Variants in BRAF observed in about 807,000 individuals in gnomAD.
BRAF encodes the protein B-Raf proto-oncogene, serine/threonine kinase.
BRAF carries 16 observed loss-of-function variants against 104.6 expected under a neutral mutation model. The observed-to-expected ratio is 0.15, with a 90% CI of 0.10 to 0.23. The LOEUF (loss-of-function observed/expected upper bound fraction) is 0.23, where lower values mean the gene tolerates loss of function less well. Among genes scored for constraint, BRAF ranks in the 10% least tolerant of loss-of-function variants. The pLI is 1.00. For missense variants in BRAF, 541 were observed against 937.3 expected, an observed-to-expected ratio of 0.58 and a Z score of 5.52; for synonymous variants, 310 against 341.6, an observed-to-expected ratio of 0.91 and a Z score of 1.02.
chr7:140,825,418 T>A (rs1805934555), intron 3 of BRAF, among the ~76,000 whole-genome samples: 1 of 152,224 alleles, frequency 6.6e-6, no homozygotes, highest in African/African-American at 2.4e-5. Flanking sequence ...TACATTTTGA[T>A]TAACCCAATA....
At position 140,749,377 on chromosome 7, in the gene BRAF, G is replaced by A. The variant is rs1205982094; in HGVS notation, c.2022C>T (p.Ser674=). 6.2e-7 allele frequency: 1 copy of A among 1,613,022 alleles called. No individual in the cohort carries two copies. The highest frequency in any genetic ancestry group is 1.3e-5 in the African/African-American group (1 of 74,858). Residue 674 remains serine (S), a synonymous_variant, in exon 17 of 20, where the codon AGC becomes AGT. Coordinates refer to ENST00000644969, the MANE Select transcript of BRAF (RefSeq NM_001374258.1). ...CAAATGCATATACATCTGACTGAAA[G>A]CTGTATGGATTTTTATCTTGCATTC... is the stretch of plus-strand genomic sequence containing the variant. The part of the protein sequence containing the change: ...VIRMQDKNPY[S]FQSDVYAFGI...
intron 8 of BRAF, among the ~76,000 whole-genome samples, chr7:140,788,387 G>GACATAA (rs1801611842): frequency 6.6e-6 from 1 of 151,992 alleles, no homozygotes; most frequent in Non-Finnish European, 1.5e-5. Context: ...ACATATTTTG[G>GACATAA]TTAAGAAAAT....
chr7:140,770,247 C>G (rs1218316611), intron 14 of BRAF, among the ~76,000 whole-genome samples: 1 of 152,078 alleles, frequency 6.6e-6, no homozygotes, highest in Non-Finnish European at 1.5e-5. Flanking sequence ...TTATCAATCA[C>G]TAATACATGT....
In BRAF at chr7:140,808,984, C is replaced by T. The variant is rs1164283478; in HGVS notation, c.516G>A (p.Arg172=). Residue 172 remains arginine, a synonymous_variant, in exon 4 of 20, where the codon AGG becomes AGA. Transcript: ENST00000644969. ...PNKQRTVVPA[R]CGVTVRDSLK... ...GACTGTCTCGGACTGTAACTCCACA[C>T]CTTGCAGGTACCTATGGTATCATAA... 1 of 1,611,752 alleles carries T rather than the reference C, an allele frequency of 6.2e-7. No individual in the cohort carries two copies. The highest frequency in any genetic ancestry group is 1.3e-5 in the African/African-American group (1 of 74,810).
chr7:140,797,458 T>G (rs1201490904), intron 7 of BRAF, among the ~76,000 whole-genome samples: 1 of 151,198 alleles, frequency 6.6e-6, no homozygotes, highest in Non-Finnish European at 1.5e-5. Flanking sequence ...AGTAACAAAC[T>G]GCAAAAGAGT....
chr7:140,916,616 TGAC>T (rs1222681602), intron 1 of BRAF, among the ~76,000 whole-genome samples: 1 of 152,252 alleles, frequency 6.6e-6, no homozygotes. Flanking sequence ...AGGACGTGAT[TGAC>T]TTTTCTGTGC....
At chr7:140,866,798 C>T (rs1445557295) in intron 1 of BRAF, among the ~76,000 whole-genome samples, 1 of 152,036 alleles carries the variant, frequency 6.6e-6, no homozygotes, top group Non-Finnish European at 1.5e-5. Flanking sequence ...ACTTATAAGA[C>T]TCTCAGAGAG....
chr7:140,818,740 T>A (rs576094795), intron 3 of BRAF, among the ~76,000 whole-genome samples: 21 of 152,354 alleles, frequency 1.4e-4, no homozygotes, highest in Non-Finnish European at 2.6e-4. Context: ...CAATACTATA[T>A]ACAACTTATT....
chr7:140,746,037 C>G (rs1797318176), intron 17 of BRAF, among the ~76,000 whole-genome samples: 1 of 152,154 alleles, frequency 6.6e-6, no homozygotes, highest in Non-Finnish European at 1.5e-5. Context: ...CCTTTTAACA[C>G]CCCGTAAATC....
intron 12 of BRAF, 22 bp downstream of exon 11, chr7:140,781,554 T>C: frequency 6.3e-7 from 1 of 1,588,348 alleles, no homozygotes; most frequent in African/African-American, 1.3e-5. Context: ...CTTGTCACAA[T>C]GTCACCACAT....
intron 2 of BRAF, among the ~76,000 whole-genome samples, chr7:140,840,430 A>T (rs553187456): frequency 6.6e-6 from 1 of 152,248 alleles, no homozygotes; most frequent in South Asian, 2.1e-4. Context: ...AAATTGAAAG[A>T]GTGGGAAAAA....
At chr7:140,739,033 T>C (rs1367958017) in intron 18 of BRAF, among the ~76,000 whole-genome samples, 1 of 151,024 alleles carries the variant, frequency 6.6e-6, no homozygotes. Context: ...GACAAATGCC[T>C]TACTGCCTTT....
At chr7:140,839,980 A>C (rs1338066579) in intron 2 of BRAF, among the ~76,000 whole-genome samples, 1 of 152,202 alleles carries the variant, frequency 6.6e-6, no homozygotes, top group African/African-American at 2.4e-5. Context: ...CTGAGAAAGA[A>C]GGCACCGAAG....
chr7:140,862,562 A>G (rs900451982), intron 1 of BRAF, among the ~76,000 whole-genome samples: 1 of 152,204 alleles, frequency 6.6e-6, no homozygotes, highest in African/African-American at 2.4e-5. Context: ...CATAAATCCT[A>G]GTTTACATAA....
intron 1 of BRAF, among the ~76,000 whole-genome samples, chr7:140,898,302 A>G (rs1413790484): frequency 6.6e-6 from 1 of 152,144 alleles, no homozygotes; most frequent in African/African-American, 2.4e-5. Context: ...ATAGAGTGGG[A>G]GGCCTGCCTC....
At position 140,726,262 on chromosome 7, in the gene BRAF, T is replaced by C; in HGVS notation, c.*232A>G. 1.4e-6 allele frequency: 2 copies of C among 1,401,450 alleles called. No individual in the cohort carries two copies. The highest frequency in any genetic ancestry group is 1.8e-6 in the Non-Finnish European group (2 of 1,084,112). The allele number at this position is 1,401,450 out of a possible 1,614,324, so 86.8% of individuals were successfully genotyped here. A position where few individuals can be genotyped will look rare whatever the true frequency, so the allele number is the denominator to read the frequency against. On this transcript the variant is annotated 3_prime_UTR_variant, in exon 20 of 20. Transcript: ENST00000644969. ...TTCTTCCTGGGACTGGGCAGACTTGTATGCTCGTGGTATTTTTGTTGAAGA... is the reference window on the plus strand; with the variant it reads ...TTCTTCCTGGGACTGGGCAGACTTGCATGCTCGTGGTATTTTTGTTGAAGA...
intron 1 of BRAF, among the ~76,000 whole-genome samples, chr7:140,917,732 T>C (rs1165263618): frequency 6.6e-6 from 1 of 152,166 alleles, no homozygotes; most frequent in Non-Finnish European, 1.5e-5. Flanking sequence ...TCAGAACAGT[T>C]CAGCCCATGA....
intron 14 of BRAF, among the ~76,000 whole-genome samples, chr7:140,776,198 A>G (rs560889846): frequency 1.1e-3 from 167 of 152,358 alleles, no homozygotes; most frequent in African/African-American, 3.8e-3. Flanking sequence ...AGCAATTTGT[A>G]AAAAACAAAA....
chr7:140,899,024 T>C (rs1179019737), intron 1 of BRAF, among the ~76,000 whole-genome samples: 3 of 152,204 alleles, frequency 2.0e-5, no homozygotes, highest in Non-Finnish European at 2.9e-5. Context: ...CACAATGATA[T>C]CTACTGCACT....
Sources: allele counts gnomAD v4.1 joint callset (sites outside exome capture counted in the v4.1 genomes callset), GRCh38; gene constraint gnomAD v4.1.1; transcripts MANE v1.5; gene names NCBI Gene and HGNC (gene_info 2026-07-23, HGNC 2026-07-21).